Variants in HSPA8 observed in about 807,000 individuals in gnomAD.
HSPA8 encodes the protein heat shock cognate 71 kDa protein.
HSPA8 carries 2 observed loss-of-function variants against 52.8 expected under a neutral mutation model. That is an observed-to-expected ratio of 0.04 (90% CI 0.02 to 0.12). HSPA8 has a LOEUF of 0.12. HSPA8 is among the 10% of genes least tolerant of loss of function. The probability of loss-of-function intolerance (pLI) is 1.00; values close to 1 mark genes in which losing one functional copy is unlikely to be tolerated. For missense variants in HSPA8, 349 were observed against 800.5 expected, an observed-to-expected ratio of 0.44 and a Z score of 6.81; for synonymous variants, 436 against 274.0, an observed-to-expected ratio of 1.59 and a Z score of -5.84.
chr11:123,060,519 G>C, intron 3 of HSPA8, 74 bp downstream of exon 3: 7 of 1,173,636 alleles, frequency 6.0e-6, no homozygotes, highest in Middle Eastern at 1.9e-4. Context: ...CCCTCGCCAG[G>C]TGCCAGTGCC....
rs1270008401 is a variant in HSPA8 at position 123,061,444 on chromosome 11, C to T, written c.-5-115G>A. On this transcript the variant is annotated intron_variant, in intron 1 of 8. Coordinates refer to ENST00000534624, the MANE Select transcript of HSPA8 (RefSeq NM_006597.6). ...TGGCCACTGCCAAGAGGTAATAGTG[C>T]CCATCACCTCCTGTCTAAGCACGCG... is the stretch of plus-strand genomic sequence containing the variant. The T allele has an allele frequency of 9.1e-6, 7 of 770,252 alleles. No homozygotes were observed. In the Admixed American group the frequency reaches 1.1e-4, roughly 12 times the overall value. 47.7% of individuals were successfully genotyped at this position (770,252 alleles called of 1,614,324 possible).
Position 123,060,048 on chromosome 11 carries a change from C to A in HSPA8, c.565-20G>T, listed in dbSNP as rs199546915. The A allele has an allele frequency of 6.3e-5, 102 of 1,614,090 alleles. 1 individual carries two copies. The East Asian group carries it at 2.2e-3, about 35-fold the overall frequency. On this transcript the variant is annotated intron_variant, in intron 4 of 8. Transcript: ENST00000534624. The stretch of plus-strand genomic sequence containing the variant: ...TCCAACCTGCCGTTAAAAACAATCT[C>A]ATTTAAATTTACGATGGATCAAATT...
chr11:123,061,000 G>C (rs560638813), intron 2 of HSPA8, 120 bp downstream of exon 2: 49 of 955,382 alleles, frequency 5.1e-5, no homozygotes, highest in East Asian at 3.6e-4. Context: ...TAACAGACTT[G>C]ATAACAAGTC....
rs189446113 is a variant in HSPA8 at position 123,058,942 on chromosome 11, A to G, written c.1324-112T>C. On this transcript the variant is annotated intron_variant, in intron 6 of 8. Coordinates refer to ENST00000534624, the MANE Select transcript of HSPA8 (RefSeq NM_006597.6). ...ACATCCAAGGAAGGAACTGGCCAAC[A>G]TAAGACTTTCTGGTGGAAACTACGA... 1.7e-4 allele frequency: 242 copies of G among 1,396,862 alleles called. 2 individuals are homozygous for G. The South Asian group carries it at 1.9e-3, about 11-fold the overall frequency. The allele number at this position is 1,396,862 out of a possible 1,614,324, so 86.5% of individuals were successfully genotyped here. A position where few individuals can be genotyped will look rare whatever the true frequency, so the allele number is the denominator to read the frequency against.
At position 123,058,497 on chromosome 11, in the gene HSPA8, TTAACTC is replaced by T. The variant is rs759847039; in HGVS notation, c.1523-19_1523-14del. ...TTGCTCAAACGGCCTAGGAAAGAAA[TTAACTC>T]TAAGTAAAAGCCTTAAATTACCTGT... On this transcript the variant is annotated splice_polypyrimidine_tract_variant and intron_variant, in intron 7 of 8. Transcript: ENST00000534624. 181 of 1,611,758 alleles carry T rather than the reference TTAACTC, an allele frequency of 1.1e-4. No homozygotes were observed. The highest frequency in any genetic ancestry group is 7.4e-4 in the East Asian group (33 of 44,870).
Position 123,058,340 on chromosome 11 carries a change from T to C in HSPA8, c.1667A>G (p.Glu556Gly). 1.9e-6 allele frequency: 3 copies of C among 1,613,502 alleles called. No homozygotes were observed. Among genetic ancestry groups the C allele is most frequent in the Non-Finnish European group, 2.5e-6 (3 of 1,179,458 alleles). ...AFNMKATVEDEKLQGKINDED... is the reference protein window; with the variant it reads ...AFNMKATVEDGKLQGKINDED... ...ATCGTTAATCTTGCCTTGAAGTTTCTCATCTTCAACAGTTGCTTTCATGTT... is the reference window on the plus strand; with the variant it reads ...ATCGTTAATCTTGCCTTGAAGTTTCCCATCTTCAACAGTTGCTTTCATGTT... Residue 556 changes from glutamate to glycine, a missense_variant, in exon 8 of 9, where the codon GAG becomes GGG. Physicochemically the swap from Glu to Gly is moderately conservative, Grantham distance 98. Transcript: ENST00000534624.
In HSPA8 at chr11:123,059,810, T is replaced by C. The variant is rs777998627; in HGVS notation, c.783A>G (p.Arg261=). 1.2e-5 allele frequency: 20 copies of C among 1,613,742 alleles called. No individual in the cohort carries two copies. Among genetic ancestry groups the C allele is most frequent in the Non-Finnish European group, 1.5e-5 (18 of 1,179,812 alleles). The part of the protein sequence containing the change: ...KDISENKRAV[R]RLRTACERAK... ...CACGTTCACAAGCAGTACGGAGGCGTCTTACAGCTCTCTTGTTCTCACTGA... is the reference window on the plus strand; with the variant it reads ...CACGTTCACAAGCAGTACGGAGGCGCCTTACAGCTCTCTTGTTCTCACTGA... Residue 261 remains arginine (R), a synonymous_variant, in exon 5 of 9, where the codon AGA becomes AGG. Transcript: ENST00000534624.
rs145580523 is a variant in HSPA8 at position 123,059,678 on chromosome 11, C to G, written c.915G>C (p.Leu305=). The change falls in exon 5 of 9, where the codon CTG becomes CTC. Residue 305 remains leucine (L), a synonymous_variant. Coordinates refer to ENST00000534624, the MANE Select transcript of HSPA8 (RefSeq NM_006597.6). Reference sequence around the variant, plus strand: ...GGGTGCCACGGAACAGGTCAGCATTCAGTTCTTCAAATCGGGCACGGGTAA... The same window carrying G: ...GGGTGCCACGGAACAGGTCAGCATTGAGTTCTTCAAATCGGGCACGGGTAA... ...TSITRARFEE[L]NADLFRGTLD... 89 of 1,614,044 alleles carry G rather than the reference C, an allele frequency of 5.5e-5. No homozygotes were observed. In the African/African-American group the frequency reaches 1.1e-3, roughly 20 times the overall value.
Position 123,060,222 on chromosome 11 carries a change from G to A in HSPA8, c.458C>T (p.Ser153Phe). The A allele has an allele frequency of 6.2e-7, 1 of 1,613,936 alleles. No homozygotes were observed. ...VVTVPAYFNDSQRQATKDAGT... is the reference protein window; with the variant it reads ...VVTVPAYFNDFQRQATKDAGT... ...AGCATCTTTGGTAGCCTGACGCTGA[G>A]AGTCATTAAAGTAAGCTGGCACTGT... Residue 153 changes from serine (S) to phenylalanine (F), a missense_variant, in exon 4 of 9, where the codon TCT (serine) becomes TTT (phenylalanine). Transcript: ENST00000534624.
At position 123,059,603 on chromosome 11, in the gene HSPA8, C is replaced by T; in HGVS notation, c.990G>A (p.Gln330=). 1 of 1,614,152 alleles carries T rather than the reference C, an allele frequency of 6.2e-7. No homozygotes were observed. The highest frequency in any genetic ancestry group is 8.5e-7 in the Non-Finnish European group (1 of 1,180,026). Residue 330 remains glutamine (Q), a synonymous_variant, in exon 5 of 9, where the codon CAG becomes CAA. Transcript: ENST00000534624. ...ALRDAKLDKS[Q]IHDIVLVGGS... is the part of the protein sequence containing the mutation. ...CACCAACCAGGACAATATCATGAAT[C>T]TGTGACTTGTCTAGTTTGGCATCTC...
rs752832257 is a variant in HSPA8, at chr11:123,060,305, T to A, written c.412-37A>T. The A allele has an allele frequency of 5.7e-6, 9 of 1,584,368 alleles. No homozygotes were observed. In the East Asian group the frequency reaches 1.1e-4, roughly 20 times the overall value. Reference sequence around the variant, plus strand: ...GAAAAGACCACAGATTGGTAACTATTATACTTACATATATGCAAACTCCAG... The same window carrying A: ...GAAAAGACCACAGATTGGTAACTATAATACTTACATATATGCAAACTCCAG... On this transcript the variant is annotated intron_variant, in intron 3 of 8. Transcript: ENST00000534624.
intron 6 of HSPA8, 33 bp downstream of exon 6, chr11:123,059,026 A>G (rs758814245): frequency 7.6e-6 from 12 of 1,570,720 alleles, no homozygotes; most frequent in Non-Finnish European, 1.1e-5. Context: ...ATCTGTTATC[A>G]GTAAGCCAAA....
In HSPA8 at chr11:123,058,769, G is replaced by T; in HGVS notation, c.1385C>A (p.Thr462Lys). The T allele has an allele frequency of 6.2e-7, 1 of 1,614,140 alleles. No homozygotes were observed. Among genetic ancestry groups the T allele is most frequent in the Non-Finnish European group, 8.5e-7 (1 of 1,179,998 alleles). Residue 462 changes from threonine (T) to lysine (K), a missense_variant, in exon 7 of 9, where the codon ACA becomes AAA. Coordinates refer to ENST00000534624, the MANE Select transcript of HSPA8 (RefSeq NM_006597.6). ...DNNLLGKFEL[T>K]GIPPAPRGVP... ...ACCTCGGGGTGCAGGAGGTATGCCT[G>T]TGAGTTCAAACTTGCCAAGCAGGTT... is the stretch of plus-strand genomic sequence containing the variant.
Position 123,057,526 on chromosome 11 carries a change from A to G in HSPA8, c.*208T>C. 1 of 467,974 alleles carries G rather than the reference A, an allele frequency of 2.1e-6. No homozygotes were observed. The highest frequency in any genetic ancestry group is 3.5e-5 in the East Asian group (1 of 28,194). 29.0% of individuals were successfully genotyped at this position (467,974 alleles called of 1,614,324 possible). ...AATTTTAAATAGTTTTATTTAAGAC[A>G]TTGCATTTTCCACTTACAATACAGT... is the stretch of plus-strand genomic sequence containing the variant. On this transcript the variant is annotated 3_prime_UTR_variant, in exon 9 of 9. Transcript: ENST00000534624.
intron 1 of HSPA8, chr11:123,061,620 G>C: frequency 4.5e-6 from 2 of 447,194 alleles, no homozygotes. Context: ...CCCCTCCCTC[G>C]CCAGGTGCCA....
Position 123,059,454 on chromosome 11 carries a change from A to C in HSPA8, c.1120+19T>G. 1 of 1,595,406 alleles carries C rather than the reference A, an allele frequency of 6.3e-7. No homozygotes were observed. The highest frequency in any genetic ancestry group is 8.5e-7 in the Non-Finnish European group (1 of 1,170,710). The stretch of plus-strand genomic sequence containing the variant: ...TTGGGCCTGCCTGCCTTTAGGGTTA[A>C]TTGAGATACCATTGTTACCTGCACC... On this transcript the variant is annotated intron_variant, in intron 5 of 8. Coordinates refer to ENST00000534624, the MANE Select transcript of HSPA8 (RefSeq NM_006597.6).
intron 3 of HSPA8, 57 bp downstream of exon 3, chr11:123,060,536 A>G: frequency 2.3e-6 from 3 of 1,295,694 alleles, no homozygotes; most frequent in South Asian, 1.2e-5. Context: ...TGCCCCCGGG[A>G]GTCATCGGGC....
Position 123,058,381 on chromosome 11 carries a change from A to G in HSPA8, c.1626T>C (p.Leu542=). The G allele has an allele frequency of 6.2e-7, 1 of 1,613,966 alleles. No homozygotes were observed. Among genetic ancestry groups the G allele is most frequent in the Non-Finnish European group, 8.5e-7 (1 of 1,179,892 alleles). The part of the protein sequence containing the change: ...QRDKVSSKNS[L]ESYAFNMKAT... ...CTTTCATGTTGAAGGCATAGGACTC[A>G]AGTGAATTCTTGGATGACACCTTGT... The change falls in exon 8 of 9, where the codon CTT becomes CTC. Residue 542 remains leucine (L), a synonymous_variant. Transcript: ENST00000534624.
In HSPA8 at chr11:123,059,531, G is replaced by T. The variant is rs771663386; in HGVS notation, c.1062C>A (p.Phe354Leu). 6.2e-7 allele frequency: 1 copy of T among 1,614,046 alleles called. No homozygotes were observed. The highest frequency in any genetic ancestry group is 8.5e-7 in the Non-Finnish European group (1 of 1,179,960). ...TGCTCTTATTCAGTTCTTTTCCATTGAAGAAGTCTTGGAGAAGCTTCTGAA... is the reference window on the plus strand; with the variant it reads ...TGCTCTTATTCAGTTCTTTTCCATTTAAGAAGTCTTGGAGAAGCTTCTGAA... ...PKIQKLLQDFFNGKELNKSIN... is the reference protein window; with the variant it reads ...PKIQKLLQDFLNGKELNKSIN... The change falls in exon 5 of 9, where the codon TTC (phenylalanine) becomes TTA (leucine). Residue 354 changes from phenylalanine to leucine, a missense_variant. Coordinates refer to ENST00000534624, the MANE Select transcript of HSPA8 (RefSeq NM_006597.6).
Sources: allele counts gnomAD v4.1 joint callset, GRCh38; gene constraint gnomAD v4.1.1; transcripts MANE v1.5; gene names NCBI Gene and HGNC (gene_info 2026-07-23, HGNC 2026-07-21).